The following KHDRBS2 variants were observed in gnomAD, a reference collection of about 807,000 sequenced individuals.
The protein encoded by KHDRBS2 is KH RNA binding domain containing, signal transduction associated 2, also known as KH domain-containing, RNA-binding, signal transduction-associated protein 2.
KHDRBS2 carries 26 observed loss-of-function variants against 44.3 expected under a neutral mutation model. The ratio of observed to expected loss-of-function variants is 0.59; its 90% CI spans 0.43 to 0.81. The LOEUF (loss-of-function observed/expected upper bound fraction) is 0.81, where lower values mean the gene tolerates loss of function less well. KHDRBS2 is among the 40% of genes least tolerant of loss of function. The probability of loss-of-function intolerance (pLI) is 0.00; values close to 1 mark genes in which losing one functional copy is unlikely to be tolerated. For missense variants in KHDRBS2, 476 were observed against 433.1 expected, an observed-to-expected ratio of 1.10 and a Z score of -0.88; for synonymous variants, 194 against 151.1, an observed-to-expected ratio of 1.28 and a Z score of -2.08.
At chr6:61,931,935 T>G (rs1810131398) in intron 4 of KHDRBS2, among the ~76,000 whole-genome samples, 1 of 152,198 alleles carries the variant, frequency 6.6e-6, no homozygotes, top group African/African-American at 2.4e-5. Context: ...ATGATCCATT[T>G]CCACTTAATA....
chr6:61,735,145 T>C (rs1460457584), intron 6 of KHDRBS2, among the ~76,000 whole-genome samples: 7 of 152,020 alleles, frequency 4.6e-5, no homozygotes, highest in Non-Finnish European at 1.0e-4. Flanking sequence ...GTTTTCATTT[T>C]TTTGGTGATA....
At chr6:62,244,875 G>C (rs938856742) in intron 1 of KHDRBS2, among the ~76,000 whole-genome samples, 4 of 151,806 alleles carry the variant, frequency 2.6e-5, no homozygotes, top group African/African-American at 7.3e-5. Context: ...TAAAATAATG[G>C]GCAGGACCAG....
chr6:61,644,068 T>C, the KHDRBS2 span, among the ~76,000 whole-genome samples: 6 of 152,084 alleles, frequency 3.9e-5, no homozygotes, highest in Non-Finnish European at 1.5e-5. Context: ...TATAGGGCTA[T>C]AGTAACCAAA....
chr6:61,981,775 T>A (rs1313025966), intron 3 of KHDRBS2, among the ~76,000 whole-genome samples: 1 of 152,188 alleles, frequency 6.6e-6, no homozygotes, highest in Non-Finnish European at 1.5e-5. Context: ...TTAAACTAAT[T>A]AGGTTCATTT....
At chr6:62,072,279 A>C (rs995086598) in intron 2 of KHDRBS2, among the ~76,000 whole-genome samples, 6 of 152,198 alleles carry the variant, frequency 3.9e-5, no homozygotes, top group African/African-American at 1.4e-4. Flanking sequence ...CAATCATGTC[A>C]TCTGCAAACA....
intron 6 of KHDRBS2, among the ~76,000 whole-genome samples, chr6:61,811,465 C>A (rs1788102470): frequency 6.6e-6 from 1 of 152,072 alleles, no homozygotes; most frequent in Admixed American, 6.6e-5. Context: ...GGGTATATAT[C>A]CAGTAATAGA....
At chr6:61,914,457 A>G (rs1806618066) in intron 4 of KHDRBS2, among the ~76,000 whole-genome samples, 1 of 149,992 alleles carries the variant, frequency 6.7e-6, no homozygotes, top group Admixed American at 6.6e-5. Flanking sequence ...GGAACTGAAC[A>G]ATGAGAACAC....
At chr6:61,922,090 A>G (rs1261041186) in intron 4 of KHDRBS2, among the ~76,000 whole-genome samples, 1 of 151,994 alleles carries the variant, frequency 6.6e-6, no homozygotes, top group East Asian at 1.9e-4. Context: ...TGAATTGCTT[A>G]TCTATATTGA....
chr6:62,262,922 C>T (rs1357428668), intron 1 of KHDRBS2, among the ~76,000 whole-genome samples: 1 of 151,540 alleles, frequency 6.6e-6, no homozygotes, highest in Non-Finnish European at 1.5e-5. Flanking sequence ...AAAACAAATA[C>T]ATGTAAAACT....
Position 61,680,645 on chromosome 6 carries a change from A to G in KHDRBS2, c.*318T>C, listed in dbSNP as rs1193889305. 1.8e-5 allele frequency: 3 copies of G among 170,922 alleles called. No individual in the cohort carries two copies. The highest frequency in any genetic ancestry group is 3.7e-5 in the Non-Finnish European group (3 of 80,628). The allele number at this position is 170,922 out of a possible 1,614,324, so 10.6% of individuals were successfully genotyped here. ...ACAAATTCATGCTTTTCCTCAAAAAAAAAAAAAAGAAAAAGAAAAAAAAAA... is the reference window on the plus strand; with the variant it reads ...ACAAATTCATGCTTTTCCTCAAAAAGAAAAAAAAGAAAAAGAAAAAAAAAA... On this transcript the variant is annotated 3_prime_UTR_variant, in exon 9 of 9. Transcript: ENST00000281156.
At chr6:62,228,871 C>A (rs962878165) in intron 1 of KHDRBS2, among the ~76,000 whole-genome samples, 1 of 152,096 alleles carries the variant, frequency 6.6e-6, no homozygotes, top group Non-Finnish European at 1.5e-5. Flanking sequence ...AAGAGGTGTG[C>A]CGCTCCTTCC....
chr6:62,113,068 T>G (rs1185339002), intron 2 of KHDRBS2, among the ~76,000 whole-genome samples: 2 of 152,140 alleles, frequency 1.3e-5, no homozygotes, highest in Non-Finnish European at 2.9e-5. Context: ...TTAAAGCCAA[T>G]GAAGCTGCCC....
At chr6:62,130,025 A>G (rs1809925018) in intron 2 of KHDRBS2, among the ~76,000 whole-genome samples, 2 of 152,204 alleles carry the variant, frequency 1.3e-5, no homozygotes, top group Admixed American at 1.3e-4. Flanking sequence ...TACTAATTCC[A>G]GATAATTTTT....
chr6:62,257,334 A>G (rs2150179099), intron 1 of KHDRBS2, among the ~76,000 whole-genome samples: 1 of 152,198 alleles, frequency 6.6e-6, no homozygotes, highest in Non-Finnish European at 1.5e-5. Context: ...TGACTAGCAC[A>G]TAACCAGTGC....
intron 2 of KHDRBS2, among the ~76,000 whole-genome samples, chr6:62,107,626 G>T (rs1345150078): frequency 1.3e-5 from 2 of 152,064 alleles, no homozygotes; most frequent in Non-Finnish European, 2.9e-5. Flanking sequence ...AAAAGAGCCC[G>T]CATCGCCAAG....
intron 2 of KHDRBS2, among the ~76,000 whole-genome samples, chr6:62,067,305 T>C (rs190504371): frequency 1.4e-4 from 22 of 151,734 alleles, no homozygotes; most frequent in African/African-American, 5.1e-4. Context: ...GTAAAGGTAC[T>C]ACATATTTTA....
intron 4 of KHDRBS2, among the ~76,000 whole-genome samples, chr6:61,968,574 T>A (rs1770631275): frequency 6.6e-6 from 1 of 152,074 alleles, no homozygotes; most frequent in African/African-American, 2.4e-5. Context: ...GGCAAGTGCT[T>A]GCTGAATGGT....
chr6:61,678,613 G>A (rs993632315), downstream of KHDRBS2, among the ~76,000 whole-genome samples: 27 of 151,832 alleles, frequency 1.8e-4, no homozygotes, highest in African/African-American at 6.0e-4. Context: ...GTAGTTCATA[G>A]CAAAGAAAAA....
At chr6:61,738,443 T>G (rs1264233940) in intron 6 of KHDRBS2, among the ~76,000 whole-genome samples, 5 of 152,020 alleles carry the variant, frequency 3.3e-5, no homozygotes. Flanking sequence ...TTGAGTCAAA[T>G]GAGACAAGTC....
Sources: allele counts gnomAD v4.1 joint callset (sites outside exome capture counted in the v4.1 genomes callset), GRCh38; gene constraint gnomAD v4.1.1; transcripts MANE v1.5; gene names NCBI Gene and HGNC (gene_info 2026-07-23, HGNC 2026-07-21).